Variants in CTNNA3 observed in about 807,000 individuals in gnomAD.
The protein encoded by CTNNA3 is catenin alpha 3, also known as catenin alpha-3.
Under a neutral mutation model 95.7 loss-of-function variants are expected in CTNNA3, and 76 were observed. The observed-to-expected ratio is 0.79, with a 90% CI of 0.66 to 0.96. The LOEUF is 0.96. Among genes scored for constraint, CTNNA3 ranks in the 40% least tolerant of loss-of-function variants. CTNNA3 has a pLI of 0.00. For synonymous variants in CTNNA3, 431 were observed against 374.4 expected (o/e 1.15, Z -1.74); for missense variants, 1,191 against 1,089.8 (o/e 1.09, Z -1.31).
intron 11 of CTNNA3, among the ~76,000 whole-genome samples, chr10:66,426,118 A>G (rs1297519761): frequency 6.6e-6 from 1 of 152,058 alleles, no homozygotes; most frequent in Non-Finnish European, 1.5e-5. Context: ...CAGTTTATTT[A>G]TTAATTCAAC....
At chr10:65,931,561 C>A (rs982442194) in intron 17 of CTNNA3, among the ~76,000 whole-genome samples, 2 of 151,546 alleles carry the variant, frequency 1.3e-5, no homozygotes, top group African/African-American at 4.8e-5. Context: ...TGTAAAAATG[C>A]ACCCTGAGGA....
chr10:65,965,393 CTTTTTTTTTTTT>C (rs561552884), intron 17 of CTNNA3, among the ~76,000 whole-genome samples: 2,009 of 77,716 alleles, frequency 0.026, 66 homozygotes, highest in African/African-American at 0.1. Context: ...CTCCCCTCTA[CTTTTTTTTTTTT>C]TTTTTTTTTT....
At chr10:67,300,333 T>C (rs78726484) in intron 5 of CTNNA3, among the ~76,000 whole-genome samples, 6,725 of 152,310 alleles carry the variant, frequency 0.044, 205 homozygotes, top group South Asian at 0.1. Flanking sequence ...TGAATCCTAC[T>C]GGATCAGGAA....
At chr10:67,422,625 TAGTG>T (rs1564639130) in intron 5 of CTNNA3, among the ~76,000 whole-genome samples, 2 of 152,148 alleles carry the variant, frequency 1.3e-5, no homozygotes, top group Non-Finnish European at 2.9e-5. Context: ...GTTCTCATGA[TAGTG>T]AGTGAGTTCT....
At chr10:67,261,129 T>G (rs182501677) in intron 5 of CTNNA3, among the ~76,000 whole-genome samples, 20 of 152,318 alleles carry the variant, frequency 1.3e-4, no homozygotes, top group Middle Eastern at 3.4e-3. Context: ...GGGTTTCCTG[T>G]GCTCCAAAAT....
intron 7 of CTNNA3, among the ~76,000 whole-genome samples, chr10:66,780,938 T>C (rs931847097): frequency 6.6e-6 from 1 of 152,190 alleles, no homozygotes. Flanking sequence ...AAAGGAAGAA[T>C]TGTAGAATAA....
intron 9 of CTNNA3, among the ~76,000 whole-genome samples, chr10:66,688,020 G>C (rs10762092): frequency 0.55 from 84,101 of 151,730 alleles, 24,049 homozygotes; most frequent in African/African-American, 0.68. Context: ...AAGCTGTTTT[G>C]AGGGTAAAAG....
Position 66,340,239 on chromosome 10 carries a change from C to G in CTNNA3, c.1732+38913G>C, listed in dbSNP as rs184244590. Among the ~76,000 whole-genome samples the G allele has an allele frequency of 5.9e-4, 89 of 151,824 alleles. 1 individual carries two copies. Among genetic ancestry groups the G allele is most frequent in the African/African-American group, 2.1e-3 (87 of 41,498 alleles). On this transcript the variant is annotated intron_variant, in intron 12 of 17. Transcript: ENST00000433211. Reference sequence around the variant, plus strand: ...ATCTCCAAAACAATACTTATAGCATCCAAAAAGTCACATTCAGTATAAAAA... The same window carrying G: ...ATCTCCAAAACAATACTTATAGCATGCAAAAAGTCACATTCAGTATAAAAA...
intron 10 of CTNNA3, among the ~76,000 whole-genome samples, chr10:66,574,176 G>GAAATGCCGTCATAATAGGGTGAT (rs1162715057): frequency 1.3e-5 from 2 of 152,078 alleles, no homozygotes; most frequent in East Asian, 3.9e-4. Context: ...ATTTAACTCA[G>GAAATGCCGTCATAATAGGGTGAT]AAATGCCGTC....
At chr10:66,489,941 A>T (rs1280591480) in intron 11 of CTNNA3, among the ~76,000 whole-genome samples, 1 of 152,242 alleles carries the variant, frequency 6.6e-6, no homozygotes, top group Non-Finnish European at 1.5e-5. Context: ...CTCTGGGCAT[A>T]GGGAATGCTG....
intron 13 of CTNNA3, among the ~76,000 whole-genome samples, chr10:66,216,383 T>C (rs986278560): frequency 1.3e-5 from 2 of 152,234 alleles, no homozygotes; most frequent in African/African-American, 4.8e-5. Flanking sequence ...CTGTCACCCA[T>C]GACTAGGGCT....
At chr10:66,304,855 T>C (rs1004885253) in intron 12 of CTNNA3, among the ~76,000 whole-genome samples, 5 of 152,192 alleles carry the variant, frequency 3.3e-5, no homozygotes, top group African/African-American at 7.2e-5. Context: ...GTTAAGTACA[T>C]AGATATTTAC....
chr10:66,145,138 A>G (rs1005104963), intron 13 of CTNNA3, among the ~76,000 whole-genome samples: 1 of 152,122 alleles, frequency 6.6e-6, no homozygotes, highest in African/African-American at 2.4e-5. Context: ...CAAACTACTA[A>G]GTATTTATTA....
chr10:67,699,244 G>A (rs1841014099), upstream of CTNNA3, among the ~76,000 whole-genome samples: 1 of 152,064 alleles, frequency 6.6e-6, no homozygotes, highest in Admixed American at 6.5e-5. Flanking sequence ...ACAACTCCCT[G>A]TGGTTGCTAC....
intron 7 of CTNNA3, among the ~76,000 whole-genome samples, chr10:66,806,291 GTATA>G (rs398097045): frequency 1.9e-4 from 25 of 133,652 alleles, no homozygotes; most frequent in African/African-American, 4.2e-4. Flanking sequence ...GTGTGTGTGT[GTATA>G]TATACTCATT....
chr10:67,400,574 A>G (rs1704364110), intron 5 of CTNNA3, among the ~76,000 whole-genome samples: 1 of 152,188 alleles, frequency 6.6e-6, no homozygotes, highest in Non-Finnish European at 1.5e-5. Flanking sequence ...TTGGTAATCA[A>G]AGGCTTATTT....
At chr10:66,675,789 C>A (rs1846832219) in intron 9 of CTNNA3, among the ~76,000 whole-genome samples, 1 of 152,004 alleles carries the variant, frequency 6.6e-6, no homozygotes, top group Non-Finnish European at 1.5e-5. Flanking sequence ...TACTATTTGC[C>A]TTCTTAATTA....
chr10:66,655,245 G>A (rs577526847), intron 9 of CTNNA3, among the ~76,000 whole-genome samples: 1 of 152,124 alleles, frequency 6.6e-6, no homozygotes, highest in African/African-American at 2.4e-5. Flanking sequence ...GGTTTAGAAA[G>A]TAGAAATTAG....
chr10:67,124,368 GT>G (rs1859612595), intron 7 of CTNNA3, among the ~76,000 whole-genome samples: 3 of 148,948 alleles, frequency 2.0e-5, no homozygotes, highest in African/African-American at 7.4e-5. Flanking sequence ...GTGTGTGTGT[GT>G]GTGTGGTCTA....
Sources: gnomAD v4.1 joint callset for allele counts (sites outside exome capture counted in the v4.1 genomes callset) on GRCh38, gnomAD v4.1.1 for gene constraint, MANE v1.5 for transcripts, NCBI Gene and HGNC (gene_info 2026-07-23, HGNC 2026-07-21) for gene names.